NRXN3: variants seen among roughly 807,000 people sequenced by gnomAD.
NRXN3 encodes the protein neurexin 3, also known as neurexin III.
A neutral mutation model predicts 137.6 loss-of-function variants in NRXN3; 32 were observed. That is an observed-to-expected ratio of 0.23 (90% CI 0.18 to 0.31). NRXN3 has a LOEUF of 0.31. Ranked by LOEUF, NRXN3 falls within the 10% of genes least tolerant of loss-of-function variation. NRXN3 has a pLI of 1.00. For missense variants in NRXN3, 1,574 were observed against 2,062.5 expected (o/e 0.76, Z 4.59); for synonymous variants, 798 against 784.5 (o/e 1.02, Z -0.29).
chr14:79,346,986 T>C (rs2197995), intron 15 of NRXN3, among the ~76,000 whole-genome samples: 145,689 of 152,182 alleles, frequency 0.96, 69,788 homozygotes, highest in East Asian at 1. Context: ...AGATTTTAGA[T>C]AAATGTAAAA....
intron 10 of NRXN3, among the ~76,000 whole-genome samples, chr14:78,911,032 C>A (rs115285705): frequency 0.026 from 3,932 of 152,158 alleles, 176 homozygotes; most frequent in African/African-American, 0.09. Flanking sequence ...ATATTGTTTT[C>A]AATTTAATGC....
intron 16 of NRXN3, among the ~76,000 whole-genome samples, chr14:79,534,588 A>T (rs2097195765): frequency 6.6e-6 from 1 of 152,172 alleles, no homozygotes; most frequent in Non-Finnish European, 1.5e-5. Flanking sequence ...AACATATGTG[A>T]ATTCTATTCA....
At chr14:78,799,899 C>A (rs1319790970) in intron 8 of NRXN3, among the ~76,000 whole-genome samples, 1 of 152,152 alleles carries the variant, frequency 6.6e-6, no homozygotes, top group Non-Finnish European at 1.5e-5. Context: ...TTATTTCCCA[C>A]AGGGTCCCTC....
intron 6 of NRXN3, among the ~76,000 whole-genome samples, chr14:78,696,113 T>C (rs898444847): frequency 4.6e-5 from 7 of 152,030 alleles, no homozygotes; most frequent in Non-Finnish European, 7.4e-5. Context: ...TCTAGTAACT[T>C]CTTTTATAAT....
At chr14:79,287,219 C>A (rs2153453989) in intron 15 of NRXN3, among the ~76,000 whole-genome samples, 1 of 152,210 alleles carries the variant, frequency 6.6e-6, no homozygotes, top group South Asian at 2.1e-4. Context: ...ACTGTATTTT[C>A]ATGTTTATGG....
intron 15 of NRXN3, among the ~76,000 whole-genome samples, chr14:79,126,179 TTTA>T (rs1297362980): frequency 6.6e-6 from 1 of 152,084 alleles, no homozygotes; most frequent in Non-Finnish European, 1.5e-5. Flanking sequence ...TTTTTTTAAA[TTTA>T]TTATTATTAT....
At chr14:78,790,384 G>C (rs548251334) in intron 8 of NRXN3, among the ~76,000 whole-genome samples, 2 of 152,148 alleles carry the variant, frequency 1.3e-5, no homozygotes, top group South Asian at 4.1e-4. Flanking sequence ...GCAGGACTCC[G>C]TTGAGAATGT....
At chr14:78,470,590 T>C (rs2095243045) in intron 4 of NRXN3, among the ~76,000 whole-genome samples, 1 of 152,074 alleles carries the variant, frequency 6.6e-6, no homozygotes, top group Admixed American at 6.6e-5. Flanking sequence ...TACATATGGA[T>C]TGTATTGTGT....
chr14:78,392,867 T>C (rs752479270), intron 4 of NRXN3, among the ~76,000 whole-genome samples: 1 of 152,128 alleles, frequency 6.6e-6, no homozygotes, highest in Non-Finnish European at 1.5e-5. Flanking sequence ...AAATTTTGGG[T>C]ACTAGCTTCC....
chr14:78,393,986 G>A (rs775310538), intron 4 of NRXN3, among the ~76,000 whole-genome samples: 3 of 151,978 alleles, frequency 2.0e-5, no homozygotes, highest in Non-Finnish European at 2.9e-5. Context: ...GGTTCTATGT[G>A]TGTGTGTGTA....
chr14:79,217,141 AAAAGAAAGAAAG>A (rs34660488), intron 15 of NRXN3, among the ~76,000 whole-genome samples: 1 of 149,596 alleles, frequency 6.7e-6, no homozygotes, highest in Non-Finnish European at 1.5e-5. Flanking sequence ...TGTCTCAAAA[AAAAGAAAGAAAG>A]AAAGAAAGAA....
At chr14:79,560,142 A>G (rs530318153) in intron 16 of NRXN3, among the ~76,000 whole-genome samples, 5 of 152,306 alleles carry the variant, frequency 3.3e-5, no homozygotes, top group African/African-American at 9.6e-5. Context: ...ACATTCTTCT[A>G]TAACACTTTT....
intron 10 of NRXN3, among the ~76,000 whole-genome samples, chr14:78,929,793 A>G (rs2099316617): frequency 6.6e-6 from 1 of 152,182 alleles, no homozygotes; most frequent in Admixed American, 6.5e-5. Context: ...CTTATAAGGG[A>G]AGCATTAAAT....
chr14:79,216,232 C>T (rs1446912199), intron 15 of NRXN3, among the ~76,000 whole-genome samples: 1 of 152,156 alleles, frequency 6.6e-6, no homozygotes, highest in African/African-American at 2.4e-5. Flanking sequence ...TTCCATGTGG[C>T]TCAGGCTTTT....
chr14:78,613,975 A>G (rs1432192219), intron 4 of NRXN3, among the ~76,000 whole-genome samples: 1 of 152,222 alleles, frequency 6.6e-6, no homozygotes, highest in Non-Finnish European at 1.5e-5. Flanking sequence ...AATAATTGAT[A>G]TTCATGAAGA....
At chr14:78,968,420 G>T in intron 14 of NRXN3, 74 bp downstream of exon 14, 1 of 1,409,788 alleles carries the variant, frequency 7.1e-7, no homozygotes, top group Non-Finnish European at 9.8e-7. Context: ...CTCTGCCACT[G>T]CCTCCTTCCT....
chr14:79,263,613 T>G (rs542363215), intron 15 of NRXN3, among the ~76,000 whole-genome samples: 44 of 152,240 alleles, frequency 2.9e-4, no homozygotes, highest in Middle Eastern at 3.4e-3. Context: ...AGGGAGGTAA[T>G]AAATGGCTCT....
intron 19 of NRXN3, among the ~76,000 whole-genome samples, chr14:79,723,386 C>T (rs1010533714): frequency 2.0e-5 from 3 of 152,086 alleles, no homozygotes; most frequent in Non-Finnish European, 4.4e-5. Flanking sequence ...AGCTATTTAA[C>T]CTTAAGACAC....
At chr14:78,522,555 C>CT (rs1427347338) in intron 4 of NRXN3, among the ~76,000 whole-genome samples, 2 of 152,146 alleles carry the variant, frequency 1.3e-5, no homozygotes, top group East Asian at 1.9e-4. Flanking sequence ...TAGCCAACAT[C>CT]TTTTTTTCCT....
Sources: allele counts gnomAD v4.1 joint callset (sites outside exome capture counted in the v4.1 genomes callset), GRCh38; gene constraint gnomAD v4.1.1; transcripts MANE v1.5; gene names NCBI Gene and HGNC (gene_info 2026-07-23, HGNC 2026-07-21).